USP34: variants seen among roughly 807,000 people sequenced by gnomAD.
USP34 encodes ubiquitin specific peptidase 34.
In USP34, 70 loss-of-function variants were observed where a neutral mutation model predicts 460.3. The ratio of observed to expected loss-of-function variants is 0.15; its 90% CI spans 0.13 to 0.19. The LOEUF (loss-of-function observed/expected upper bound fraction) is 0.19, where lower values mean the gene tolerates loss of function less well. Among genes scored for constraint, USP34 ranks in the 10% least tolerant of loss-of-function variants. The probability of loss-of-function intolerance (pLI) is 1.00; values close to 1 mark genes in which losing one functional copy is unlikely to be tolerated. For synonymous variants in USP34, 1,647 were observed against 1,405.3 expected (o/e 1.17, Z -3.85); for missense variants, 3,985 against 4,236.2 (o/e 0.94, Z 1.65).
chr2:61,241,915 T>G (rs1688273517), intron 51 of USP34, 96 bp from the exon 52 acceptor site: 1 of 655,764 alleles, frequency 1.5e-6, no homozygotes, highest in African/African-American at 1.9e-5. Flanking sequence ...ATTTTATACT[T>G]AATAGTAACT....
At chr2:61,415,864 T>C (rs937651640) in intron 2 of USP34, among the ~76,000 whole-genome samples, 5 of 152,222 alleles carry the variant, frequency 3.3e-5, no homozygotes, top group Non-Finnish European at 7.3e-5. Context: ...TAAAATGCAC[T>C]TATGTTTTTA....
At chr2:61,440,552 T>G (rs1421354951) in intron 1 of USP34, among the ~76,000 whole-genome samples, 2 of 151,200 alleles carry the variant, frequency 1.3e-5, no homozygotes, top group Non-Finnish European at 3.0e-5. Context: ...AGTTTTGCTC[T>G]TCTCGTCCAG....
At chr2:61,371,538 GTTA>G (rs1246987462) in intron 8 of USP34, among the ~76,000 whole-genome samples, 1 of 151,512 alleles carries the variant, frequency 6.6e-6, no homozygotes, top group Non-Finnish European at 1.5e-5. Context: ...TGTTTTAAAT[GTTA>G]TTATAAGAGT....
chr2:61,341,613 C>T (rs1004016616), intron 16 of USP34, among the ~76,000 whole-genome samples: 3 of 151,962 alleles, frequency 2.0e-5, no homozygotes, highest in African/African-American at 7.3e-5. Context: ...CCCCTGCTCC[C>T]CCTTCACATT....
At chr2:61,247,294 C>G (rs1422550341) in intron 49 of USP34, among the ~76,000 whole-genome samples, 3 of 152,084 alleles carry the variant, frequency 2.0e-5, no homozygotes, top group African/African-American at 7.2e-5. Context: ...ACAGTCTGAA[C>G]TGGAACATGA....
chr2:61,348,176 C>G lies in USP34; in HGVS notation c.1979G>C (p.Gly660Ala), dbSNP rs371503960. 1.9e-6 allele frequency: 3 copies of G among 1,614,078 alleles called. No individual in the cohort carries two copies. In the African/African-American group the frequency reaches 4.0e-5, roughly 22 times the overall value. The change falls in exon 15 of 80, where the codon GGC (glycine) becomes GCC (alanine). Residue 660 changes from glycine to alanine, a missense_variant. Transcript: ENST00000398571. ...QAGICLGDSQGMSERNGTSSG... is the reference protein window; with the variant it reads ...QAGICLGDSQAMSERNGTSSG... ...GCTTGTCCCATTTCTTTCTGACATG[C>G]CTTGGGAGTCCCCCAGGCAAATGCC...
At chr2:61,453,892 A>C (rs1695355835) in intron 1 of USP34, among the ~76,000 whole-genome samples, 1 of 151,880 alleles carries the variant, frequency 6.6e-6, no homozygotes, top group Non-Finnish European at 1.5e-5. Context: ...CTGCCATTAA[A>C]TTCTGTTCTC....
intron 2 of USP34, among the ~76,000 whole-genome samples, chr2:61,417,716 A>C (rs1467275944): frequency 1.5e-5 from 2 of 137,668 alleles, no homozygotes; most frequent in African/African-American, 2.6e-5. Flanking sequence ...AAAATACTAA[A>C]ATCTTTTTTT....
chr2:61,252,388 ATAGCAGCAG>A (rs1031628587), intron 48 of USP34, among the ~76,000 whole-genome samples: 2 of 142,300 alleles, frequency 1.4e-5, no homozygotes, highest in Non-Finnish European at 3.1e-5. Flanking sequence ...TACAGTAACA[ATAGCAGCAG>A]CAGCAGCAGC....
chr2:61,375,752 G>A (rs545996225), intron 8 of USP34, among the ~76,000 whole-genome samples: 2 of 109,012 alleles, frequency 1.8e-5, no homozygotes, highest in Non-Finnish European at 3.4e-5. Context: ...CTGGGTGACA[G>A]ACCAAGACTC....
chr2:61,204,649 C>T, intron 72 of USP34, 48 bp from the exon 73 acceptor site: 1 of 1,406,180 alleles, frequency 7.1e-7, no homozygotes, highest in Non-Finnish European at 1.0e-6. Context: ...AGAGTTATAT[C>T]TGCCTACTAC....
intron 62 of USP34, among the ~76,000 whole-genome samples, chr2:61,225,490 T>A (rs570896948): frequency 1.3e-5 from 2 of 152,114 alleles, no homozygotes; most frequent in Non-Finnish European, 2.9e-5. Context: ...TTATTTATAA[T>A]TATACATTTA....
At chr2:61,388,894 C>A (rs1693254137) in intron 5 of USP34, among the ~76,000 whole-genome samples, 1 of 151,924 alleles carries the variant, frequency 6.6e-6, no homozygotes. Flanking sequence ...AATGCTGACA[C>A]CCATATGAAC....
intron 8 of USP34, among the ~76,000 whole-genome samples, chr2:61,377,773 G>A (rs1692839382): frequency 6.6e-6 from 1 of 152,152 alleles, no homozygotes; most frequent in African/African-American, 2.4e-5. Flanking sequence ...CTAAGACAGT[G>A]TACTTTCTGA....
chr2:61,352,441 T>C (rs968339231), intron 10 of USP34, among the ~76,000 whole-genome samples: 3 of 151,884 alleles, frequency 2.0e-5, no homozygotes, highest in Admixed American at 6.6e-5. Flanking sequence ...TAATTAAGTA[T>C]ATTATTGAAA....
chr2:61,266,006 C>A lies in USP34; in HGVS notation c.5595G>T (p.Trp1865Cys). ...SVENYRLIHN[W>C]VMAQHMQSHA... ...TACACTGCATGTGTTGTGCCATAAC[C>A]CAGTTGTGTATTAGCCTGTAGTTCT... Residue 1865 changes from tryptophan (W) to cysteine (C), a missense_variant, in exon 42 of 80, where the codon TGG (tryptophan) becomes TGT (cysteine). This residue lies in a region of USP34 where 1,114 missense variants were observed against 1,122.5 expected (regional missense o/e 0.99). Coordinates refer to ENST00000398571, the MANE Select transcript of USP34 (RefSeq NM_014709.4). 1.2e-6 allele frequency: 2 copies of A among 1,609,732 alleles called. No individual in the cohort carries two copies. The highest frequency in any genetic ancestry group is 2.2e-5 in the East Asian group (1 of 44,854).
intron 50 of USP34, among the ~76,000 whole-genome samples, 194 bp from the exon 51 acceptor site, chr2:61,245,482 TA>T (rs1226684072): frequency 3.3e-5 from 5 of 151,744 alleles, no homozygotes; most frequent in African/African-American, 7.3e-5. Context: ...AAGCACCTTA[TA>T]ATCAGATAGA....
At chr2:61,277,027 A>G (rs1389401430) in intron 41 of USP34, among the ~76,000 whole-genome samples, 1 of 152,184 alleles carries the variant, frequency 6.6e-6, no homozygotes, top group Non-Finnish European at 1.5e-5. Context: ...TCAAGAGACA[A>G]TCAAAATGAG....
In USP34 at chr2:61,257,041, A is replaced by G. The variant is rs375982174; in HGVS notation, c.6048+11T>C. On this transcript the variant is annotated intron_variant, in intron 46 of 79. Coordinates refer to ENST00000398571, the MANE Select transcript of USP34 (RefSeq NM_014709.4). The stretch of plus-strand genomic sequence containing the variant: ...GATCTCCAAAAAGTAAAAACCAGGT[A>G]TAATACTTACCAAGGATACAACATT... The G allele has an allele frequency of 4.5e-6, 7 of 1,547,414 alleles. No individual in the cohort carries two copies. In the African/African-American group the frequency reaches 8.3e-5, roughly 18 times the overall value.
Sources: gnomAD v4.1 joint callset for allele counts (sites outside exome capture counted in the v4.1 genomes callset) on GRCh38, gnomAD v4.1.1 for gene constraint, gnomAD v4.1.1 regional missense constraint, MANE v1.5 for transcripts, NCBI Gene and HGNC (gene_info 2026-07-23, HGNC 2026-07-21) for gene names.